The following CRCP variants were observed in gnomAD, a reference collection of about 807,000 sequenced individuals.
CRCP encodes the protein DNA-directed RNA polymerase III subunit RPC9.
CRCP carries 18 observed loss-of-function variants against 18.5 expected under a neutral mutation model. The ratio of observed to expected loss-of-function variants is 0.97; its 90% CI spans 0.67 to 1.44. The LOEUF is 1.44. CRCP is among the 40% of genes most tolerant of loss of function. The pLI is 0.00. For missense variants in CRCP, 130 were observed against 176.4 expected, an observed-to-expected ratio of 0.74 and a Z score of 1.49; for synonymous variants, 53 against 62.9, an observed-to-expected ratio of 0.84 and a Z score of 0.75.
intron 3 of CRCP, among the ~76,000 whole-genome samples, chr7:66,133,858 C>CTTTTTTTTTT (rs751345422): frequency 3.1e-5 from 3 of 96,714 alleles, no homozygotes; most frequent in African/African-American, 4.3e-5. Context: ...TTTTTGTTTT[C>CTTTTTTTTTT]TTTTTTTTTT....
intron 1 of CRCP, among the ~76,000 whole-genome samples, chr7:66,117,157 CA>C (rs888935393): frequency 2.0e-5 from 3 of 150,204 alleles, no homozygotes; most frequent in African/African-American, 4.9e-5. Context: ...TCCATCTTGT[CA>C]AATTCAGAGG....
intron 4 of CRCP, among the ~76,000 whole-genome samples, chr7:66,141,926 A>G (rs1435531260): frequency 1.3e-5 from 2 of 152,076 alleles, no homozygotes; most frequent in Non-Finnish European, 2.9e-5. Flanking sequence ...TGCTGTGACC[A>G]CAGCAGTGCT....
At chr7:66,133,904 G>A (rs1249841288) in intron 3 of CRCP, among the ~76,000 whole-genome samples, 1 of 143,762 alleles carries the variant, frequency 7.0e-6, no homozygotes, top group Non-Finnish European at 1.5e-5. Flanking sequence ...TGTCACCCAG[G>A]CTGGAGTGCC....
intron 5 of CRCP, among the ~76,000 whole-genome samples, chr7:66,148,260 G>T (rs1397719172): frequency 6.6e-6 from 1 of 152,164 alleles, no homozygotes; most frequent in Non-Finnish European, 1.5e-5. Context: ...TACTTGGGAG[G>T]CTGAGGCAGG....
Position 66,152,172 on chromosome 7 carries a change from A to T in CRCP, c.298-36A>T, listed in dbSNP as rs776883484. ...AGGGCTGCCCAAGGCTGTAAGTTTC[A>T]TTTGTAACCCTGGAGGATTTTCTTT... On this transcript the variant is annotated intron_variant, in intron 5 of 5. Transcript: ENST00000395326. 14 of 1,612,380 alleles carry T rather than the reference A, an allele frequency of 8.7e-6. No individual in the cohort carries two copies. In the South Asian group the frequency reaches 1.2e-4, roughly 14 times the overall value.
intron 2 of CRCP, among the ~76,000 whole-genome samples, chr7:66,128,141 GAA>G (rs1787672625): frequency 1.3e-5 from 2 of 150,180 alleles, no homozygotes; most frequent in Non-Finnish European, 3.0e-5. Flanking sequence ...AAGAAAGAAA[GAA>G]AAAGAAAAAA....
At chr7:66,125,528 G>A (rs1787594045) in intron 1 of CRCP, among the ~76,000 whole-genome samples, 1 of 149,462 alleles carries the variant, frequency 6.7e-6, no homozygotes, top group African/African-American at 2.4e-5. Context: ...GTTACACAGA[G>A]TACCTGTGTA....
chr7:66,142,188 C>T (rs993329394), intron 4 of CRCP, among the ~76,000 whole-genome samples: 7 of 152,140 alleles, frequency 4.6e-5, no homozygotes, highest in Non-Finnish European at 1.0e-4. Flanking sequence ...TTCCCCTCAC[C>T]GTGGTCTCAG....
chr7:66,139,335 T>TTTGTTA (rs1788066580), intron 4 of CRCP, among the ~76,000 whole-genome samples: 3 of 152,228 alleles, frequency 2.0e-5, no homozygotes. Flanking sequence ...CATTTGGTTA[T>TTTGTTA]TTGTTATAAC....
At chr7:66,148,809 C>T (rs1383776507) in intron 5 of CRCP, among the ~76,000 whole-genome samples, 1 of 152,206 alleles carries the variant, frequency 6.6e-6, no homozygotes, top group Non-Finnish European at 1.5e-5. Flanking sequence ...TCATATAGAG[C>T]GTTATTGCTT....
At chr7:66,147,405 CTG>C (rs1788330894) in intron 5 of CRCP, among the ~76,000 whole-genome samples, 1 of 151,678 alleles carries the variant, frequency 6.6e-6, no homozygotes, top group Non-Finnish European at 1.5e-5. Context: ...GTCCTGGTGC[CTG>C]TGATTGTCTG....
chr7:66,128,419 T>C (rs1787682437), intron 2 of CRCP, among the ~76,000 whole-genome samples: 1 of 152,200 alleles, frequency 6.6e-6, no homozygotes, highest in South Asian at 2.1e-4. Flanking sequence ...TTCCTAATTA[T>C]CACCTTTGAT....
chr7:66,136,802 G>A (rs1038930253), intron 4 of CRCP, among the ~76,000 whole-genome samples: 9 of 151,740 alleles, frequency 5.9e-5, no homozygotes, highest in African/African-American at 9.7e-5. Context: ...AAGATCGGAC[G>A]GGCACGGTGG....
At chr7:66,125,092 C>T (rs757521882) in intron 1 of CRCP, among the ~76,000 whole-genome samples, 1 of 149,132 alleles carries the variant, frequency 6.7e-6, no homozygotes, top group Non-Finnish European at 1.5e-5. Context: ...GAAGACTGTT[C>T]CTCAATTTGG....
At chr7:66,115,142 C>T (rs573950365) in intron 1 of CRCP, among the ~76,000 whole-genome samples, 172 bp downstream of exon 1, 40 of 152,240 alleles carry the variant, frequency 2.6e-4, no homozygotes, top group African/African-American at 9.4e-4. Context: ...ACGGGACTCT[C>T]GCTTTGCCCT....
At chr7:66,147,425 G>A (rs1056510740) in intron 5 of CRCP, among the ~76,000 whole-genome samples, 2 of 151,932 alleles carry the variant, frequency 1.3e-5, no homozygotes, top group Non-Finnish European at 2.9e-5. Context: ...CTGTCACTTC[G>A]AATGCCCGCC....
chr7:66,124,834 T>C (rs1406068541), intron 1 of CRCP, among the ~76,000 whole-genome samples: 1 of 149,200 alleles, frequency 6.7e-6, no homozygotes, highest in Non-Finnish European at 1.5e-5. Context: ...CTTATCACAC[T>C]CAGGAAACTT....
At chr7:66,134,407 C>A in intron 4 of CRCP, 33 bp downstream of exon 4, 1 of 1,400,676 alleles carries the variant, frequency 7.1e-7, no homozygotes, top group Non-Finnish European at 1.0e-6. Context: ...AAGAGCGTGA[C>A]ACATGGTGAA....
At chr7:66,138,567 C>T (rs941158701) in intron 4 of CRCP, among the ~76,000 whole-genome samples, 6 of 145,740 alleles carry the variant, frequency 4.1e-5, no homozygotes, top group African/African-American at 1.5e-4. Flanking sequence ...TGGCAGATCA[C>T]GAGGTCAGGA....
Sources: gnomAD v4.1 joint callset for allele counts (sites outside exome capture counted in the v4.1 genomes callset) on GRCh38, gnomAD v4.1.1 for gene constraint, MANE v1.5 for transcripts, NCBI Gene and HGNC (gene_info 2026-07-23, HGNC 2026-07-21) for gene names.